ANK2: variants seen among roughly 807,000 people sequenced by gnomAD.
ANK2 encodes ankyrin-2.
ANK2 carries 83 observed loss-of-function variants against 360.5 expected under a neutral mutation model. The ratio of observed to expected loss-of-function variants is 0.23; its 90% confidence interval spans 0.19 to 0.28. The LOEUF is 0.28. Ranked by LOEUF, ANK2 falls within the 10% of genes least tolerant of loss-of-function variation. The pLI is 1.00. For synonymous variants in ANK2, 1,740 were observed against 1,759.5 expected, an observed-to-expected ratio of 0.99 and a Z score of 0.28; for missense variants, 4,201 against 4,795.7, an observed-to-expected ratio of 0.88 and a Z score of 3.66.
intron 2 of ANK2, among the ~76,000 whole-genome samples, chr4:113,021,334 A>T (rs541164154): frequency 2.6e-5 from 4 of 151,848 alleles, no homozygotes; most frequent in African/African-American, 9.7e-5. Flanking sequence ...TAACAGCTTC[A>T]TGGGTCTCTA....
chr4:113,070,901 C>T (rs1020521071), intron 1 of ANK2, among the ~76,000 whole-genome samples: 12 of 151,938 alleles, frequency 7.9e-5, no homozygotes, highest in Admixed American at 7.2e-4. Flanking sequence ...ATTCAAAATG[C>T]TTGTGTTTAG....
At chr4:112,865,992 C>G (rs1422734341) in intron 1 of ANK2, among the ~76,000 whole-genome samples, 2 of 152,166 alleles carry the variant, frequency 1.3e-5, no homozygotes, top group Non-Finnish European at 2.9e-5. Flanking sequence ...CACACACAGC[C>G]TTACTTCACC....
intron 1 of ANK2, chr4:112,881,636 G>A (rs2076716667): frequency 1.4e-5 from 5 of 366,944 alleles, no homozygotes; most frequent in Non-Finnish European, 2.5e-5. Flanking sequence ...CTCTTTGTTG[G>A]AATGCTTTAC....
intron 1 of ANK2, among the ~76,000 whole-genome samples, chr4:112,884,653 C>T (rs1377639482): frequency 6.6e-6 from 1 of 152,212 alleles, no homozygotes; most frequent in South Asian, 2.1e-4. Flanking sequence ...CTGCCTTTCT[C>T]ACGACCCTAT....
intron 1 of ANK2, among the ~76,000 whole-genome samples, chr4:113,087,706 C>T (rs1407164837): frequency 6.6e-6 from 1 of 151,948 alleles, no homozygotes; most frequent in African/African-American, 2.4e-5. Flanking sequence ...TAATTATTTA[C>T]TTTAAAAAAT....
At chr4:112,877,659 G>A (rs569243143) in intron 1 of ANK2, among the ~76,000 whole-genome samples, 132 of 152,306 alleles carry the variant, frequency 8.7e-4, no homozygotes, top group Admixed American at 1.2e-3. Flanking sequence ...GGCAACCTCA[G>A]AGTATTAAAC....
At chr4:112,924,346 A>G (rs2092195104) in intron 2 of ANK2, among the ~76,000 whole-genome samples, 1 of 151,118 alleles carries the variant, frequency 6.6e-6, no homozygotes. Context: ...CCAGCCTGGG[A>G]GACAAGGCAA....
chr4:113,184,445 T>G (rs1004165612), intron 2 of ANK2, among the ~76,000 whole-genome samples: 3 of 152,022 alleles, frequency 2.0e-5, no homozygotes, highest in Non-Finnish European at 4.4e-5. Flanking sequence ...TCTGTAGAGT[T>G]CAGGAGTCCC....
chr4:113,129,869 A>C (rs2095899046), intron 1 of ANK2, among the ~76,000 whole-genome samples: 1 of 152,202 alleles, frequency 6.6e-6, no homozygotes, highest in Non-Finnish European at 1.5e-5. Context: ...ATTTTTAAAA[A>C]TTTGTTGGTG....
At chr4:112,788,519 G>T in the ANK2 span, 1 of 1,578,188 alleles carries the variant, frequency 6.3e-7, no homozygotes, top group Non-Finnish European at 8.7e-7. Flanking sequence ...TTTGCCAGCA[G>T]CTTTCTTCTC....
intron 1 of ANK2, among the ~76,000 whole-genome samples, chr4:112,891,480 A>G (rs934073037): frequency 6.6e-6 from 1 of 152,182 alleles, no homozygotes; most frequent in African/African-American, 2.4e-5. Flanking sequence ...GCAAGCTTAT[A>G]TCAAAATTAT....
At position 113,121,854 on chromosome 4, in the gene ANK2, G is replaced by A. The variant is rs187337214; in HGVS notation, c.85-52562G>A. Among the ~76,000 whole-genome samples the A allele has an allele frequency of 1.5e-4, 22 of 143,514 alleles. 1 individual carries two copies. The East Asian group carries it at 5.8e-3, about 38-fold the overall frequency. 94.2% of individuals were successfully genotyped at this position (143,514 alleles called of 152,430 possible). ...GACTTATTTCTAGGATAGGCTTTGG[G>A]GAAATCTCCCCCCCCACCACATTCT... On this transcript the variant is annotated intron_variant, in intron 1 of 45. Coordinates refer to ENST00000357077, the MANE Select transcript of ANK2 (RefSeq NM_001148.6).
chr4:113,127,466 G>GT (rs5861123), intron 1 of ANK2, among the ~76,000 whole-genome samples: 122 of 146,344 alleles, frequency 8.3e-4, no homozygotes, highest in Middle Eastern at 3.6e-3. Context: ...TTCTTTTTTT[G>GT]TTTTTTTTTT....
intron 2 of ANK2, among the ~76,000 whole-genome samples, chr4:112,906,217 A>G (rs989828615): frequency 8.5e-5 from 13 of 152,136 alleles, no homozygotes; most frequent in African/African-American, 3.1e-4. Flanking sequence ...AATGTTGCTG[A>G]CAGGTCAAGA....
intron 2 of ANK2, among the ~76,000 whole-genome samples, chr4:113,029,721 C>T (rs1441280068): frequency 6.6e-6 from 1 of 152,040 alleles, no homozygotes; most frequent in African/African-American, 2.4e-5. Context: ...TCTTCTTGTT[C>T]TTGCCAGTGC....
At position 113,227,478 on chromosome 4, in the gene ANK2, A is replaced by C. The variant is rs1420324543; in HGVS notation, c.385-4683A>C. ...ATTCAACTTTTCTGCATCACCTATA[A>C]CAAACTTTTCAAGGCAATTTAAAAA... On this transcript the variant is annotated intron_variant, in intron 4 of 45. Transcript: ENST00000357077. 3.3e-5 allele frequency among the ~76,000 whole-genome samples: 5 copies of C among 152,162 alleles called. No homozygotes were observed. The East Asian group carries it at 9.6e-4, about 29-fold the overall frequency.
chr4:113,086,177 C>T (rs1241896598), intron 1 of ANK2, among the ~76,000 whole-genome samples: 1 of 152,112 alleles, frequency 6.6e-6, no homozygotes, highest in Admixed American at 6.5e-5. Context: ...GGAACCACTG[C>T]ATCCTGTTAA....
intron 2 of ANK2, among the ~76,000 whole-genome samples, chr4:112,948,107 A>G (rs1451600182): frequency 6.6e-6 from 1 of 152,184 alleles, no homozygotes; most frequent in African/African-American, 2.4e-5. Context: ...TAGAAATCAG[A>G]GTAGGGAAAG....
chr4:112,849,083 G>A (rs1165872878), intron 1 of ANK2, among the ~76,000 whole-genome samples: 4 of 152,328 alleles, frequency 2.6e-5, no homozygotes, highest in South Asian at 2.1e-4. Flanking sequence ...ATTTACAGGA[G>A]CATCTGTATG....
Sources: allele counts gnomAD v4.1 joint callset (sites outside exome capture counted in the v4.1 genomes callset), GRCh38; gene constraint gnomAD v4.1.1; transcripts MANE v1.5; gene names NCBI Gene and HGNC (gene_info 2026-07-23, HGNC 2026-07-21).